Variants in PRKCA observed in about 807,000 individuals in gnomAD.
PRKCA encodes protein kinase C alpha type.
PRKCA carries 27 observed loss-of-function variants against 87.0 expected under a neutral mutation model. The ratio of observed to expected loss-of-function variants is 0.31; its 90% confidence interval spans 0.23 to 0.43. The LOEUF (loss-of-function observed/expected upper bound fraction) is 0.43. PRKCA is among the 20% of genes least tolerant of loss of function. The pLI is 1.00. For synonymous variants in PRKCA, 329 were observed against 311.1 expected (o/e 1.06, Z -0.61); for missense variants, 518 against 852.3 (o/e 0.61, Z 4.88).
intron 2 of PRKCA, among the ~76,000 whole-genome samples, chr17:66,435,081 G>A (rs1913303496): frequency 6.6e-6 from 1 of 152,150 alleles, no homozygotes; most frequent in South Asian, 2.1e-4. Context: ...ATGTATGAAT[G>A]AAATAAATAA....
chr17:66,554,806 A>G (rs1040536748), intron 3 of PRKCA, among the ~76,000 whole-genome samples: 6 of 151,618 alleles, frequency 4.0e-5, no homozygotes, highest in African/African-American at 1.5e-4. Flanking sequence ...GCCTCTAAAC[A>G]CTTGTAGTAC....
rs1286382034 is a variant in PRKCA at position 66,385,460 on chromosome 17, T to G, written c.205+79333T>G. On this transcript the variant is annotated intron_variant, in intron 2 of 16. Coordinates refer to ENST00000413366, the MANE Select transcript of PRKCA (RefSeq NM_002737.3). ...CATGTTATTTTATAGGGCATTGCCC[T>G]TCTCCTCCAGCCAAAATATTTGTAA... Among the ~76,000 whole-genome samples, 5 of 152,236 alleles carry G rather than the reference T, an allele frequency of 3.3e-5. No individual in the cohort carries two copies. In the East Asian group the frequency reaches 9.6e-4, roughly 29 times the overall value.
At chr17:66,547,160 A>G (rs1030295113) in intron 3 of PRKCA, among the ~76,000 whole-genome samples, 1 of 152,140 alleles carries the variant, frequency 6.6e-6, no homozygotes, top group Non-Finnish European at 1.5e-5. Context: ...GTCTCCAGAT[A>G]TGCCTGTGTA....
chr17:66,389,821 T>A (rs1459036344), intron 2 of PRKCA, among the ~76,000 whole-genome samples: 6 of 152,272 alleles, frequency 3.9e-5, no homozygotes, highest in African/African-American at 1.4e-4. Flanking sequence ...GCCTTAATGT[T>A]CTTTTTAAGA....
At chr17:66,764,989 G>A (rs1036601503) in intron 13 of PRKCA, among the ~76,000 whole-genome samples, 1 of 152,206 alleles carries the variant, frequency 6.6e-6, no homozygotes, top group Non-Finnish European at 1.5e-5. Context: ...TGGGCCATAG[G>A]AGCCGGTGGA....
At chr17:66,306,891 T>G (rs1904845688) in intron 2 of PRKCA, among the ~76,000 whole-genome samples, 1 of 152,136 alleles carries the variant, frequency 6.6e-6, no homozygotes, top group Admixed American at 6.5e-5. Context: ...TCCTGCTCAT[T>G]GTCTATATTG....
At chr17:66,325,564 A>G (rs1280979669) in intron 2 of PRKCA, among the ~76,000 whole-genome samples, 1 of 152,168 alleles carries the variant, frequency 6.6e-6, no homozygotes, top group Non-Finnish European at 1.5e-5. Flanking sequence ...TCACCCCAGC[A>G]ATGCTTGATG....
intron 8 of PRKCA, among the ~76,000 whole-genome samples, chr17:66,729,614 C>G (rs531763485): frequency 3.9e-5 from 6 of 152,050 alleles, no homozygotes; most frequent in Non-Finnish European, 8.8e-5. Context: ...CTACATGCTG[C>G]CAACAAAGGC....
At chr17:66,370,831 A>C (rs186063779) in intron 2 of PRKCA, among the ~76,000 whole-genome samples, 113 of 152,218 alleles carry the variant, frequency 7.4e-4, no homozygotes, top group African/African-American at 2.6e-3. Flanking sequence ...TCAGAGAAGA[A>C]TATTGATGCC....
At chr17:66,796,495 G>C in intron 16 of PRKCA, 9 of 985,256 alleles carry the variant, frequency 9.1e-6, no homozygotes, top group Non-Finnish European at 9.6e-6. Context: ...CCAGGTCTTC[G>C]GTGAGCACGT....
At chr17:66,444,221 C>T (rs1220378992) in intron 2 of PRKCA, among the ~76,000 whole-genome samples, 2 of 152,174 alleles carry the variant, frequency 1.3e-5, no homozygotes, top group African/African-American at 4.8e-5. Context: ...GCTGACCTGG[C>T]TCTACAGGTT....
At chr17:66,532,438 T>C (rs1372227676) in intron 3 of PRKCA, among the ~76,000 whole-genome samples, 1 of 151,806 alleles carries the variant, frequency 6.6e-6, no homozygotes, top group Non-Finnish European at 1.5e-5. Context: ...CGATCTTGGC[T>C]CACTGCAGCT....
At chr17:66,356,525 C>T (rs1283574280) in intron 2 of PRKCA, among the ~76,000 whole-genome samples, 1 of 152,048 alleles carries the variant, frequency 6.6e-6, no homozygotes, top group African/African-American at 2.4e-5. Context: ...GTCCCAGCTA[C>T]TCGGGAGGCT....
In PRKCA at chr17:66,792,630, C is replaced by T. The variant is rs1382318498; in HGVS notation, c.1854+3651C>T. 6.6e-6 allele frequency among the ~76,000 whole-genome samples: 1 copy of T among 152,190 alleles called. No homozygotes were observed. The highest frequency in any genetic ancestry group is 2.4e-5 in the African/African-American group (1 of 41,422). On this transcript the variant is annotated intron_variant, in intron 16 of 16. Transcript: ENST00000413366. The surrounding 1 kb of genome is among the most constrained non-coding windows in gnomAD (Gnocchi z 4.5). ...GCCGTGATCCATCAGGAGGTTAGCA[C>T]GGGACTTTCCATCTCACGGCGACAT...
rs140330749 is a variant in PRKCA at position 66,467,949 on chromosome 17, A to G, written c.206-28252A>G. ...CCCAGGAGCATTTATATGACTAACA[A>G]GTTATCTTTCCTTGCTGATAGTTCC... On this transcript the variant is annotated intron_variant, in intron 2 of 16. Transcript: ENST00000413366. Among the ~76,000 whole-genome samples the G allele has an allele frequency of 4.0e-3, 615 of 152,272 alleles. 3 individuals carry two copies. The highest frequency in any genetic ancestry group is 7.1e-3 in the Admixed American group (108 of 15,308).
chr17:66,738,982 G>A (rs1974099543), intron 11 of PRKCA, 127 bp downstream of exon 11: 4 of 703,964 alleles, frequency 5.7e-6, no homozygotes, highest in African/African-American at 1.8e-5. Context: ...TCCCAGGCTC[G>A]GGTGATTCTC....
At chr17:66,538,893 G>A (rs576397819) in intron 3 of PRKCA, among the ~76,000 whole-genome samples, 11 of 152,282 alleles carry the variant, frequency 7.2e-5, no homozygotes, top group East Asian at 3.9e-4. Flanking sequence ...GAACAGCATC[G>A]CCATTTCTGC....
chr17:66,583,652 C>A (rs1439351868), intron 3 of PRKCA, among the ~76,000 whole-genome samples: 1 of 149,982 alleles, frequency 6.7e-6, no homozygotes, highest in Non-Finnish European at 1.5e-5. Context: ...ATTAATTATT[C>A]GAATGGAGAA....
At chr17:66,401,151 G>T (rs1567809976) in intron 2 of PRKCA, among the ~76,000 whole-genome samples, 1 of 152,206 alleles carries the variant, frequency 6.6e-6, no homozygotes, top group Non-Finnish European at 1.5e-5. Flanking sequence ...GCCACGTTTT[G>T]TAGGAACGGG....
Sources: gnomAD v4.1 joint callset for allele counts (sites outside exome capture counted in the v4.1 genomes callset) on GRCh38, gnomAD v4.1.1 for gene constraint, Gnocchi (gnomAD v3.1) non-coding constraint, MANE v1.5 for transcripts, NCBI Gene and HGNC (gene_info 2026-07-23, HGNC 2026-07-21) for gene names.